ITGBL1: variants seen among roughly 807,000 people sequenced by gnomAD.
The protein encoded by ITGBL1 is integrin subunit beta like 1.
Under a neutral mutation model 68.5 loss-of-function variants are expected in ITGBL1, and 51 were observed. The observed-to-expected ratio is 0.74, with a 90% CI of 0.59 to 0.94. ITGBL1 has a LOEUF of 0.94. Among genes scored for constraint, ITGBL1 ranks in the 40% least tolerant of loss-of-function variants. The pLI, the probability that ITGBL1 is intolerant of heterozygous loss-of-function variation, is 0.00. For synonymous variants in ITGBL1, 209 were observed against 227.3 expected, an observed-to-expected ratio of 0.92 and a Z score of 0.72; for missense variants, 649 against 647.4, an observed-to-expected ratio of 1.00 and a Z score of -0.03.
chr13:101,659,904 A>G (rs145078692), intron 7 of ITGBL1, among the ~76,000 whole-genome samples: 4 of 152,206 alleles, frequency 2.6e-5, no homozygotes, highest in African/African-American at 4.8e-5. Flanking sequence ...GATGAGCTCA[A>G]TCACTCACAG....
intron 7 of ITGBL1, among the ~76,000 whole-genome samples, chr13:101,604,887 T>TGTATATGTATATATATATATACAC (rs1555361661): frequency 1.4e-4 from 3 of 22,164 alleles, no homozygotes; most frequent in Non-Finnish European, 2.5e-4. Flanking sequence ...TATATATATA[T>TGTATATGTATATATATATATACAC]ACACACACAC....
intron 7 of ITGBL1, among the ~76,000 whole-genome samples, chr13:101,604,887 T>TATATATACACAC: frequency 1.4e-4 from 3 of 22,166 alleles, no homozygotes; most frequent in Non-Finnish European, 2.5e-4. Context: ...TATATATATA[T>TATATATACACAC]ACACACACAC....
chr13:101,537,959 ATGTT>A (rs1205296580), intron 2 of ITGBL1, among the ~76,000 whole-genome samples: 1 of 152,064 alleles, frequency 6.6e-6, no homozygotes, highest in Non-Finnish European at 1.5e-5. Flanking sequence ...ATTAAAAACT[ATGTT>A]TGGATCATGC....
At chr13:101,468,464 C>T (rs1264239522) in intron 2 of ITGBL1, among the ~76,000 whole-genome samples, 1 of 152,126 alleles carries the variant, frequency 6.6e-6, no homozygotes, top group East Asian at 1.9e-4. Context: ...ATAGTCAAAA[C>T]AATTATCCTC....
intron 8 of ITGBL1, among the ~76,000 whole-genome samples, chr13:101,705,292 C>A (rs74950763): frequency 0.023 from 2,427 of 103,892 alleles, no homozygotes; most frequent in South Asian, 0.027. Context: ...ATTTAAAAAG[C>A]AAAAAAAAAA....
At chr13:101,694,504 AC>A (rs2033959256) in intron 8 of ITGBL1, among the ~76,000 whole-genome samples, 1 of 151,858 alleles carries the variant, frequency 6.6e-6, no homozygotes, top group Admixed American at 6.6e-5. Context: ...GCTCACTGAA[AC>A]CTCAAACTCC....
At chr13:101,634,184 A>C (rs979791574) in intron 7 of ITGBL1, among the ~76,000 whole-genome samples, 2 of 152,176 alleles carry the variant, frequency 1.3e-5, no homozygotes, top group African/African-American at 4.8e-5. Context: ...CTGAAAGCAA[A>C]ATGTTCCAGT....
intron 7 of ITGBL1, among the ~76,000 whole-genome samples, chr13:101,629,486 A>T (rs940295918): frequency 6.6e-6 from 1 of 152,096 alleles, no homozygotes; most frequent in African/African-American, 2.4e-5. Flanking sequence ...ATATTATTTT[A>T]AAAACATTGT....
At chr13:101,703,517 C>T (rs1045124972) in intron 8 of ITGBL1, among the ~76,000 whole-genome samples, 4 of 152,174 alleles carry the variant, frequency 2.6e-5, no homozygotes, top group Middle Eastern at 3.4e-3. Flanking sequence ...GGAAGTTATA[C>T]GGGACTAAAT....
chr13:101,645,224 C>G (rs1319598619), intron 7 of ITGBL1, among the ~76,000 whole-genome samples: 1 of 152,000 alleles, frequency 6.6e-6, no homozygotes, highest in Non-Finnish European at 1.5e-5. Context: ...CACTCATGCT[C>G]TAAGATATCT....
chr13:101,545,495 A>C (rs1172012050), intron 2 of ITGBL1, among the ~76,000 whole-genome samples: 1 of 152,232 alleles, frequency 6.6e-6, no homozygotes, highest in Non-Finnish European at 1.5e-5. Flanking sequence ...AAAACATAGA[A>C]TAATTTTCAA....
At position 101,626,071 on chromosome 13, in the gene ITGBL1, AT is replaced by A. The variant is rs2031766019; in HGVS notation, c.1015+27774del. ...CATTGAGTTGATGGGCCTCTTAACC[AT>A]TGTACCTTTGCTATTCAAAGTGTGG... On this transcript the variant is annotated intron_variant, in intron 7 of 10. Transcript: ENST00000376180. Among the ~76,000 whole-genome samples the A allele has an allele frequency of 4.6e-5, 7 of 152,196 alleles. No individual in the cohort carries two copies. The South Asian group carries it at 1.4e-3, about 32-fold the overall frequency.
chr13:101,692,745 G>A, intron 8 of ITGBL1, 44 bp downstream of exon 8: 1 of 1,196,594 alleles, frequency 8.4e-7, no homozygotes, highest in Non-Finnish European at 1.2e-6. Flanking sequence ...CATGCAACTT[G>A]CTTTACCTGC....
At chr13:101,716,961 A>G (rs2034748197), downstream of ITGBL1, 1 of 152,098 alleles carries the variant, frequency 6.6e-6, no homozygotes, top group African/African-American at 2.4e-5. Context: ...TTTACAGGTA[A>G]ATCTACTTAT....
At chr13:101,627,565 T>G (rs1220632842) in intron 7 of ITGBL1, among the ~76,000 whole-genome samples, 2 of 152,024 alleles carry the variant, frequency 1.3e-5, no homozygotes, top group Non-Finnish European at 2.9e-5. Flanking sequence ...ACCATGACAG[T>G]AACATATAGA....
chr13:101,604,885 T>TACACACACACACACACACACACAC (rs1449617732), intron 7 of ITGBL1, among the ~76,000 whole-genome samples: 52 of 11,906 alleles, frequency 4.4e-3, no homozygotes, highest in Non-Finnish European at 8.0e-3. Context: ...TATATATATA[T>TACACACACACACACACACACACAC]ATACACACAC....
intron 2 of ITGBL1, among the ~76,000 whole-genome samples, chr13:101,472,832 A>G (rs2048481892): frequency 6.6e-6 from 1 of 152,174 alleles, no homozygotes; most frequent in Non-Finnish European, 1.5e-5. Context: ...TTGTATAAAT[A>G]TATTTGACAA....
At chr13:101,454,232 G>A in intron 2 of ITGBL1, 132 bp downstream of exon 2, 2 of 501,378 alleles carry the variant, frequency 4.0e-6, no homozygotes, top group East Asian at 7.0e-5. Context: ...TACTGCGATT[G>A]TCACACTTTG....
At chr13:101,607,263 G>T (rs2030913741) in intron 7 of ITGBL1, among the ~76,000 whole-genome samples, 1 of 151,938 alleles carries the variant, frequency 6.6e-6, no homozygotes, top group Non-Finnish European at 1.5e-5. Context: ...TGAACAGTTT[G>T]CCATTTTACA....
Sources: allele counts gnomAD v4.1 joint callset (sites outside exome capture counted in the v4.1 genomes callset), GRCh38; gene constraint gnomAD v4.1.1; transcripts MANE v1.5; gene names NCBI Gene and HGNC (gene_info 2026-07-23, HGNC 2026-07-21).